Variants in PPP2R2B observed in about 807,000 individuals in gnomAD.
The protein encoded by PPP2R2B is serine/threonine-protein phosphatase 2A 55 kDa regulatory subunit B beta isoform.
Under a neutral mutation model 46.0 loss-of-function variants are expected in PPP2R2B, and 5 were observed. That is an observed-to-expected ratio of 0.11 (90% confidence interval 0.06 to 0.23). The LOEUF is 0.23. PPP2R2B is among the 10% of genes least tolerant of loss of function. The pLI, the probability that PPP2R2B is intolerant of heterozygous loss-of-function variation, is 1.00. For missense variants in PPP2R2B, 367 were observed against 575.0 expected (o/e 0.64, Z 3.70); for synonymous variants, 215 against 206.7 (o/e 1.04, Z -0.34).
chr5:146,607,627 G>GTCTT (rs1297799427), intron 7 of PPP2R2B: 3 of 152,156 alleles, frequency 2.0e-5, no homozygotes, highest in Admixed American at 2.0e-4. Context: ...TTTACAACAT[G>GTCTT]TCTTTTAACA....
At chr5:146,865,293 G>GACACACAC (rs36219835) in intron 2 of PPP2R2B, among the ~76,000 whole-genome samples, 62 of 146,018 alleles carry the variant, frequency 4.2e-4, no homozygotes, top group Middle Eastern at 3.5e-3. Context: ...CTTTGTCTCT[G>GACACACAC]ACACACACAC....
At chr5:147,035,096 G>C (rs985095313) in intron 1 of PPP2R2B, 4 of 455,568 alleles carry the variant, frequency 8.8e-6, no homozygotes, top group Non-Finnish European at 1.8e-5. Flanking sequence ...GCATTAGTTC[G>C]TTCTCACACA....
chr5:147,062,055 C>G (rs1190644460), intron 2 of PPP2R2B, among the ~76,000 whole-genome samples: 2 of 152,138 alleles, frequency 1.3e-5, no homozygotes, highest in African/African-American at 2.4e-5. Context: ...ACATTTCAGT[C>G]AACTGTGGAC....
intron 2 of PPP2R2B, among the ~76,000 whole-genome samples, chr5:146,767,527 TACAC>T (rs1450791219): frequency 2.0e-4 from 31 of 151,318 alleles, no homozygotes; most frequent in African/African-American, 6.4e-4. Flanking sequence ...ATGACTCCAA[TACAC>T]ACATACATAC....
At chr5:146,824,638 G>A (rs576529519) in intron 2 of PPP2R2B, among the ~76,000 whole-genome samples, 1 of 152,000 alleles carries the variant, frequency 6.6e-6, no homozygotes, top group Non-Finnish European at 1.5e-5. Flanking sequence ...TTTTTGAAAC[G>A]GGCTTTAACA....
intron 2 of PPP2R2B, among the ~76,000 whole-genome samples, chr5:146,788,079 A>G (rs1218087204): frequency 6.6e-6 from 1 of 152,120 alleles, no homozygotes; most frequent in African/African-American, 2.4e-5. Flanking sequence ...TGGAAATGAG[A>G]ATCCCTCCCT....
At chr5:146,951,170 C>CT (rs1470007103) in intron 1 of PPP2R2B, among the ~76,000 whole-genome samples, 1 of 151,584 alleles carries the variant, frequency 6.6e-6, no homozygotes, top group Non-Finnish European at 1.5e-5. Context: ...TCTGGAATCT[C>CT]TTTTTTGTTT....
intron 1 of PPP2R2B, among the ~76,000 whole-genome samples, chr5:147,039,561 C>G (rs191301826): frequency 6.6e-6 from 1 of 152,134 alleles, no homozygotes; most frequent in Admixed American, 6.6e-5. Flanking sequence ...GAAATACTTA[C>G]CAGTAAGCAC....
intron 5 of PPP2R2B, among the ~76,000 whole-genome samples, chr5:146,669,176 C>G (rs1460478037): frequency 6.6e-6 from 1 of 152,108 alleles, no homozygotes; most frequent in Non-Finnish European, 1.5e-5. Context: ...TATTTTGCCT[C>G]TAATCTAGGA....
At chr5:146,742,230 T>C (rs539894507) in intron 2 of PPP2R2B, among the ~76,000 whole-genome samples, 1 of 152,330 alleles carries the variant, frequency 6.6e-6, no homozygotes, top group East Asian at 1.9e-4. Flanking sequence ...ATTTCTTTTT[T>C]TGTGGGCTTT....
upstream of PPP2R2B, among the ~76,000 whole-genome samples, chr5:147,056,344 A>G (rs532443935): frequency 1.7e-4 from 26 of 152,292 alleles, no homozygotes; most frequent in African/African-American, 6.3e-4. Context: ...TTAAAATACT[A>G]AAGCCCAAAC....
At chr5:146,658,128 C>T (rs322980) in intron 5 of PPP2R2B, among the ~76,000 whole-genome samples, 109,414 of 152,046 alleles carry the variant, frequency 0.72, 42,098 homozygotes, top group Non-Finnish European at 0.86. Context: ...GGGAAGGCTG[C>T]TTGACCTAGA....
chr5:146,744,883 T>G (rs1753081178), intron 2 of PPP2R2B, among the ~76,000 whole-genome samples: 1 of 152,154 alleles, frequency 6.6e-6, no homozygotes, highest in Non-Finnish European at 1.5e-5. Context: ...TCAAATGCAT[T>G]GCTCAGGGCC....
chr5:146,760,356 C>T (rs774876846), intron 2 of PPP2R2B, among the ~76,000 whole-genome samples: 3 of 152,058 alleles, frequency 2.0e-5, no homozygotes, highest in Non-Finnish European at 4.4e-5. Context: ...AGCTTGTCTG[C>T]CTCCAGAGTT....
At chr5:146,600,623 C>T (rs567135291) in intron 7 of PPP2R2B, among the ~76,000 whole-genome samples, 163 bp from the exon 8 acceptor site, 5 of 152,160 alleles carry the variant, frequency 3.3e-5, no homozygotes, top group African/African-American at 4.8e-5. Context: ...TCTCTGGTAG[C>T]GGAAAAAGCT....
At chr5:146,851,798 G>A (rs899028000) in intron 2 of PPP2R2B, among the ~76,000 whole-genome samples, 1 of 152,028 alleles carries the variant, frequency 6.6e-6, no homozygotes, top group African/African-American at 2.4e-5. Context: ...CAACAGAGCA[G>A]CTGTTTCATT....
rs527296316 is a variant in PPP2R2B, at chr5:146,730,964, C to T, written c.71-29822G>A. ...TCCAAGAAGAAACCGATGAGGCCTT[C>T]GAGGCTCACAGTGGAAAGGGTTAGA... is the stretch of plus-strand genomic sequence containing the variant. On this transcript the variant is annotated intron_variant, in intron 2 of 9. Coordinates refer to ENST00000394411, the MANE Select transcript of PPP2R2B (RefSeq NM_181675.4). Among the ~76,000 whole-genome samples the T allele has an allele frequency of 5.3e-5, 8 of 152,188 alleles. No homozygotes were observed. The South Asian group carries it at 1.2e-3, about 24-fold the overall frequency.
intron 2 of PPP2R2B, among the ~76,000 whole-genome samples, chr5:146,786,831 A>G (rs1755869114): frequency 6.6e-6 from 1 of 152,238 alleles, no homozygotes; most frequent in Non-Finnish European, 1.5e-5. Context: ...GCCTGAAAGC[A>G]ATAAAAAGGT....
At chr5:146,986,734 T>C (rs1580757586) in intron 1 of PPP2R2B, among the ~76,000 whole-genome samples, 1 of 151,726 alleles carries the variant, frequency 6.6e-6, no homozygotes, top group South Asian at 2.1e-4. Context: ...GCAAAAAGAA[T>C]GCAAAAGGAC....
Sources: gnomAD v4.1 joint callset for allele counts (sites outside exome capture counted in the v4.1 genomes callset) on GRCh38, gnomAD v4.1.1 for gene constraint, MANE v1.5 for transcripts, NCBI Gene and HGNC (gene_info 2026-07-23, HGNC 2026-07-21) for gene names.